Variants in RARB observed in about 807,000 individuals in gnomAD.
RARB encodes HBV-activated protein.
Under a neutral mutation model 51.9 loss-of-function variants are expected in RARB, and 17 were observed. The ratio of observed to expected loss-of-function variants is 0.33; its 90% confidence interval spans 0.22 to 0.49. The LOEUF (loss-of-function observed/expected upper bound fraction) is 0.49, where lower values mean the gene tolerates loss of function less well. Among genes scored for constraint, RARB ranks in the 20% least tolerant of loss-of-function variants. The pLI, the probability that RARB is intolerant of heterozygous loss-of-function variation, is 0.99. For synonymous variants in RARB, 215 were observed against 195.4 expected (o/e 1.10, Z -0.84); for missense variants, 369 against 550.8 (o/e 0.67, Z 3.30).
At chr3:24,859,745 C>G (rs1271492980) in intron 2 of RARB, among the ~76,000 whole-genome samples, 1 of 152,194 alleles carries the variant, frequency 6.6e-6, no homozygotes, top group Non-Finnish European at 1.5e-5. Context: ...AAGGACTAGA[C>G]AGTAAATATT....
intron 2 of RARB, among the ~76,000 whole-genome samples, chr3:24,941,193 C>G (rs73820331): frequency 0.044 from 6,630 of 151,652 alleles, 230 homozygotes; most frequent in Middle Eastern, 0.088. Context: ...TAGGGAAATT[C>G]ATCAGAATCA....
chr3:25,044,988 T>C lies in RARB; in HGVS notation c.-379-15137T>C, dbSNP rs150173952. Among the ~76,000 whole-genome samples, 305 of 152,312 alleles carry C rather than the reference T, an allele frequency of 2.0e-3. 1 individual carries two copies. Among genetic ancestry groups the C allele is most frequent in the African/African-American group, 7.2e-3 (298 of 41,570 alleles). On this transcript the variant is annotated intron_variant, in intron 2 of 11. Coordinates refer to the RARB transcript ENST00000383772. ...CTTACAATCAAAGTCCTCCCGGCAT[T>C]TTTTTGTTCTACTTGGAGGAATGGA... is the stretch of plus-strand genomic sequence containing the variant.
At chr3:25,007,990 A>C (rs1381520209) in intron 2 of RARB, among the ~76,000 whole-genome samples, 1 of 152,154 alleles carries the variant, frequency 6.6e-6, no homozygotes, top group East Asian at 1.9e-4. Context: ...TGGGTATGTT[A>C]AAATAAGAAA....
intron 5 of RARB, among the ~76,000 whole-genome samples, chr3:25,404,201 C>T (rs1707343235): frequency 6.6e-6 from 1 of 152,178 alleles, no homozygotes; most frequent in African/African-American, 2.4e-5. Flanking sequence ...TTTGTTACTT[C>T]ATTCTTTCCA....
At chr3:25,388,728 G>A (rs1020965433) in intron 5 of RARB, among the ~76,000 whole-genome samples, 1 of 152,186 alleles carries the variant, frequency 6.6e-6, no homozygotes, top group Non-Finnish European at 1.5e-5. Context: ...TACAAGGGAA[G>A]CCTGCTGACA....
intron 5 of RARB, among the ~76,000 whole-genome samples, chr3:25,338,308 G>C (rs1370771759): frequency 6.6e-6 from 1 of 152,132 alleles, no homozygotes; most frequent in East Asian, 1.9e-4. Context: ...TTACAAAAGG[G>C]ATGCTCTGCT....
intron 5 of RARB, among the ~76,000 whole-genome samples, chr3:25,201,991 A>G (rs535086439): frequency 1.3e-5 from 2 of 152,026 alleles, no homozygotes; most frequent in East Asian, 1.9e-4. Context: ...TATTGATTGG[A>G]ATAGTTTCAG....
At chr3:25,459,582 G>C (rs1028150258) in intron 1 of RARB, among the ~76,000 whole-genome samples, 1 of 152,206 alleles carries the variant, frequency 6.6e-6, no homozygotes, top group Admixed American at 6.5e-5. Flanking sequence ...GGGGCATGAA[G>C]TGACCAATGA....
At chr3:25,407,620 T>G (rs1025812676) in intron 5 of RARB, among the ~76,000 whole-genome samples, 1 of 152,172 alleles carries the variant, frequency 6.6e-6, no homozygotes, top group Non-Finnish European at 1.5e-5. Context: ...TTTATATATT[T>G]GCACATGTGC....
chr3:24,869,770 CCT>C (rs1205000079), intron 2 of RARB, among the ~76,000 whole-genome samples: 6 of 151,954 alleles, frequency 3.9e-5, no homozygotes. Context: ...TTCTGTTTAT[CCT>C]CTCTTCCTAA....
intron 1 of RARB, chr3:25,441,319 C>G (rs899463550): frequency 1.3e-5 from 5 of 380,660 alleles, no homozygotes; most frequent in South Asian, 9.3e-5. Context: ...TGAGCAATTT[C>G]TTGCACCACA....
intron 5 of RARB, among the ~76,000 whole-genome samples, chr3:25,386,737 G>C (rs979304180): frequency 6.6e-6 from 1 of 152,150 alleles, no homozygotes. Context: ...GGGGGCGATT[G>C]TTTGGCCACT....
At chr3:25,245,075 C>G (rs555715217) in intron 5 of RARB, among the ~76,000 whole-genome samples, 38 of 152,062 alleles carry the variant, frequency 2.5e-4, no homozygotes, top group Non-Finnish European at 4.7e-4. Context: ...TTCTTTGTCT[C>G]TTTTGATCTT....
chr3:25,138,340 T>G (rs532409887), intron 4 of RARB, among the ~76,000 whole-genome samples: 2 of 152,070 alleles, frequency 1.3e-5, no homozygotes, highest in East Asian at 1.9e-4. Context: ...ATTGAGTTTT[T>G]TTTTTTTTTT....
intron 5 of RARB, among the ~76,000 whole-genome samples, chr3:25,360,712 C>A (rs887374144): frequency 6.8e-6 from 1 of 147,968 alleles, no homozygotes. Flanking sequence ...CTGTAAATTT[C>A]TCCTTCACTT....
intron 4 of RARB, among the ~76,000 whole-genome samples, chr3:25,150,845 T>G (rs77025115): frequency 0.021 from 3,240 of 152,304 alleles, 96 homozygotes; most frequent in African/African-American, 0.073. Context: ...TGGCTCTCTT[T>G]AGGAAAAATA....
At chr3:24,917,701 A>AT (rs1037048293) in intron 2 of RARB, among the ~76,000 whole-genome samples, 2 of 152,010 alleles carry the variant, frequency 1.3e-5, no homozygotes, top group Non-Finnish European at 2.9e-5. Flanking sequence ...TAATTTCTCT[A>AT]TTTTTACTAG....
chr3:24,849,838 T>C (rs1230773820), intron 1 of RARB, among the ~76,000 whole-genome samples: 6 of 152,224 alleles, frequency 3.9e-5, no homozygotes, highest in Non-Finnish European at 2.9e-5. Context: ...ATACTTGGCT[T>C]AGTGTAGATG....
In RARB at chr3:24,960,702, C is replaced by T. The variant is rs1341365822; in HGVS notation, c.-379-99423C>T. Reference sequence around the variant, plus strand: ...TAACACCTGGCAAGGTAGCTACAACCATACGTTGTGTAAAGGAAGAGAAAA... The same window carrying T: ...TAACACCTGGCAAGGTAGCTACAACTATACGTTGTGTAAAGGAAGAGAAAA... On this transcript the variant is annotated intron_variant, in intron 2 of 11. Transcript: ENST00000383772. Among the ~76,000 whole-genome samples the T allele has an allele frequency of 2.6e-5, 4 of 151,858 alleles. No homozygotes were observed. The South Asian group carries it at 6.2e-4, about 24-fold the overall frequency.
Sources: gnomAD v4.1 joint callset for allele counts (sites outside exome capture counted in the v4.1 genomes callset) on GRCh38, gnomAD v4.1.1 for gene constraint, MANE v1.5 for transcripts, NCBI Gene and HGNC (gene_info 2026-07-23, HGNC 2026-07-21) for gene names.